Variants in CNTN5 observed in about 807,000 individuals in gnomAD.
CNTN5 encodes contactin 5.
Under a neutral mutation model 129.1 loss-of-function variants are expected in CNTN5, and 77 were observed. The observed-to-expected ratio is 0.60, with a 90% CI of 0.50 to 0.72. The LOEUF (loss-of-function observed/expected upper bound fraction) is 0.72, where lower values mean the gene tolerates loss of function less well. Ranked by LOEUF, CNTN5 falls within the 30% of genes least tolerant of loss-of-function variation. The pLI is 0.00. For missense variants in CNTN5, 1,478 were observed against 1,328.8 expected, an observed-to-expected ratio of 1.11 and a Z score of -1.75; for synonymous variants, 509 against 465.6, an observed-to-expected ratio of 1.09 and a Z score of -1.20.
intron 13 of CNTN5, among the ~76,000 whole-genome samples, chr11:100,093,493 C>T (rs538908152): frequency 1.3e-5 from 2 of 152,102 alleles, no homozygotes; most frequent in East Asian, 3.9e-4. Flanking sequence ...TCTCAAGCTC[C>T]TGGCCTCAAG....
intron 2 of CNTN5, among the ~76,000 whole-genome samples, chr11:99,398,842 A>G (rs1283229000): frequency 6.6e-6 from 1 of 151,830 alleles, no homozygotes; most frequent in Non-Finnish European, 1.5e-5. Flanking sequence ...CTGACAACTC[A>G]TATCACCTCT....
At chr11:100,276,085 T>C (rs960670358) in intron 18 of CNTN5, among the ~76,000 whole-genome samples, 1 of 152,212 alleles carries the variant, frequency 6.6e-6, no homozygotes, top group African/African-American at 2.4e-5. Flanking sequence ...GAATTGAAAG[T>C]GGTATGCCTC....
intron 13 of CNTN5, among the ~76,000 whole-genome samples, chr11:100,134,159 T>G (rs571760938): frequency 6.6e-6 from 1 of 152,190 alleles, no homozygotes; most frequent in Non-Finnish European, 1.5e-5. Flanking sequence ...GAAGGGCTCA[T>G]AGCTGCTTCT....
In CNTN5 at chr11:99,221,245, A is replaced by G. The variant is rs548052965; in HGVS notation, c.-209-104101A>G. 7.3e-5 allele frequency among the ~76,000 whole-genome samples: 11 copies of G among 151,696 alleles called. No homozygotes were observed. The East Asian group carries it at 8.2e-4, about 11-fold the overall frequency. On this transcript the variant is annotated intron_variant, in intron 1 of 24. Transcript: ENST00000524871. ...TTTTAATAATTTTAATTTGACTTTG[A>G]AAGGATTTAATATATTTCTAATTCA...
chr11:100,333,566 T>C (rs1488934520), intron 21 of CNTN5, among the ~76,000 whole-genome samples: 1 of 152,080 alleles, frequency 6.6e-6, no homozygotes, highest in African/African-American at 2.4e-5. Context: ...CAAAACAGCA[T>C]GGTACTGATA....
intron 13 of CNTN5, among the ~76,000 whole-genome samples, chr11:100,174,655 T>A (rs368546446): frequency 2.7e-4 from 41 of 152,230 alleles, no homozygotes; most frequent in African/African-American, 9.6e-4. Flanking sequence ...TCCATTTTGT[T>A]TTTTGTTTGT....
intron 17 of CNTN5, among the ~76,000 whole-genome samples, chr11:100,258,102 T>A (rs1283079361): frequency 6.6e-6 from 1 of 152,084 alleles, no homozygotes; most frequent in African/African-American, 2.4e-5. Context: ...AATGACCTGA[T>A]GGAACTGAAA....
intron 1 of CNTN5, among the ~76,000 whole-genome samples, chr11:99,084,118 T>C (rs937676155): frequency 6.6e-6 from 1 of 152,270 alleles, no homozygotes; most frequent in Non-Finnish European, 1.5e-5. Context: ...CCACACGTGC[T>C]ACACTTGAGC....
intron 1 of CNTN5, among the ~76,000 whole-genome samples, chr11:99,110,764 T>A (rs1031566505): frequency 1.3e-5 from 2 of 152,182 alleles, no homozygotes; most frequent in Non-Finnish European, 2.9e-5. Flanking sequence ...AATATCTCTA[T>A]GTTCCACATC....
At chr11:99,084,063 C>A (rs1865907240) in intron 1 of CNTN5, among the ~76,000 whole-genome samples, 1 of 152,102 alleles carries the variant, frequency 6.6e-6, no homozygotes, top group Non-Finnish European at 1.5e-5. Flanking sequence ...TGCTTGAAAC[C>A]CTTACTGAAG....
At chr11:99,763,668 C>T (rs950105491) in intron 3 of CNTN5, among the ~76,000 whole-genome samples, 10 of 151,810 alleles carry the variant, frequency 6.6e-5, no homozygotes, top group African/African-American at 1.5e-4. Flanking sequence ...ATTTTACATT[C>T]GATTTAAGCA....
intron 7 of CNTN5, among the ~76,000 whole-genome samples, chr11:99,921,749 T>C (rs1949945693): frequency 6.6e-6 from 1 of 152,190 alleles, no homozygotes; most frequent in South Asian, 2.1e-4. Flanking sequence ...CAAAAATATT[T>C]ATTGAATGAA....
chr11:99,857,468 A>C (rs1948076281), intron 6 of CNTN5, among the ~76,000 whole-genome samples: 1 of 152,198 alleles, frequency 6.6e-6, no homozygotes, highest in East Asian at 1.9e-4. Flanking sequence ...ATAGAGAATC[A>C]AATCATACAA....
At position 100,236,709 on chromosome 11, in the gene CNTN5, T is replaced by C. The variant is rs371195244; in HGVS notation, c.2005+11897T>C. The stretch of plus-strand genomic sequence containing the variant: ...GCTGCCTTTCCTCTGATTGCCTGCA[T>C]TGCCTTCAGCTATTCTCCCCCGAAG... On this transcript the variant is annotated intron_variant, in intron 16 of 24. Coordinates refer to ENST00000524871, the MANE Select transcript of CNTN5 (RefSeq NM_014361.4). 8.5e-5 allele frequency among the ~76,000 whole-genome samples: 13 copies of C among 152,100 alleles called. 1 individual carries two copies. Among genetic ancestry groups the C allele is most frequent in the East Asian group, 7.8e-4 (4 of 5,142 alleles).
chr11:99,472,439 A>G (rs4614407), intron 2 of CNTN5, among the ~76,000 whole-genome samples: 22,870 of 152,134 alleles, frequency 0.15, 2,046 homozygotes, highest in East Asian at 0.4. Flanking sequence ...CTTGCCTCAA[A>G]TCACCTGATG....
intron 1 of CNTN5, among the ~76,000 whole-genome samples, chr11:99,125,019 A>C (rs1858549495): frequency 6.6e-6 from 1 of 152,042 alleles, no homozygotes; most frequent in African/African-American, 2.4e-5. Context: ...TCACAGCTTA[A>C]TTCTACCTAG....
chr11:99,168,737 A>T (rs79903613), intron 1 of CNTN5, among the ~76,000 whole-genome samples: 3,257 of 152,284 alleles, frequency 0.021, 48 homozygotes, highest in East Asian at 0.054. Context: ...AATCAAACAA[A>T]CATTAAGGCA....
chr11:99,727,709 T>C (rs368822229), intron 3 of CNTN5, among the ~76,000 whole-genome samples: 8 of 152,178 alleles, frequency 5.3e-5, no homozygotes, highest in East Asian at 3.8e-4. Flanking sequence ...TTCACTGATA[T>C]TGACTGAAAA....
chr11:99,873,715 A>T (rs1363913966), intron 6 of CNTN5, among the ~76,000 whole-genome samples: 1 of 152,260 alleles, frequency 6.6e-6, no homozygotes, highest in African/African-American at 2.4e-5. Context: ...CTGGCTATCT[A>T]CTTAAAAGAA....
Sources: allele counts gnomAD v4.1 joint callset (sites outside exome capture counted in the v4.1 genomes callset), GRCh38; gene constraint gnomAD v4.1.1; transcripts MANE v1.5; gene names NCBI Gene and HGNC (gene_info 2026-07-23, HGNC 2026-07-21).